Variants in LGSN observed in about 807,000 individuals in gnomAD.
LGSN encodes lengsin, lens protein with glutamine synthetase domain, also known as lengsin.
A neutral mutation model predicts 19.5 loss-of-function variants in LGSN; 21 were observed. The ratio of observed to expected loss-of-function variants is 1.07; its 90% CI spans 0.76 to 1.55. The LOEUF is 1.55. Among genes scored for constraint, LGSN ranks in the 40% most tolerant of loss-of-function variants. The probability of loss-of-function intolerance (pLI) is 0.00; values close to 1 mark genes in which losing one functional copy is unlikely to be tolerated. For missense variants in LGSN, 673 were observed against 608.5 expected (o/e 1.11, Z -1.12); for synonymous variants, 257 against 215.6 (o/e 1.19, Z -1.68).
chr6:63,432,162 AAAGAAAG>A, the LGSN span, among the ~76,000 whole-genome samples: 1 of 114,372 alleles, frequency 8.7e-6, no homozygotes, highest in Admixed American at 9.9e-5. Flanking sequence ...AGAAAGAAAG[AAAGAAAG>A]AAAAGGAAAG....
At chr6:63,335,092 C>T in the LGSN span, among the ~76,000 whole-genome samples, 11 of 148,426 alleles carry the variant, frequency 7.4e-5, no homozygotes, top group African/African-American at 2.5e-4. Flanking sequence ...TGCAGTGAGC[C>T]GAGACTGCAC....
the LGSN span, among the ~76,000 whole-genome samples, chr6:63,451,433 CT>C: frequency 6.6e-6 from 1 of 152,164 alleles, no homozygotes; most frequent in Admixed American, 6.6e-5. Flanking sequence ...AGATCATGTC[CT>C]TTGCAGGGGC....
At chr6:63,493,092 C>A in the LGSN span, among the ~76,000 whole-genome samples, 1 of 152,140 alleles carries the variant, frequency 6.6e-6, no homozygotes, top group Non-Finnish European at 1.5e-5. Flanking sequence ...CTTCCTCAAC[C>A]CTTCCAGGTC....
the LGSN span, among the ~76,000 whole-genome samples, chr6:63,353,588 CAA>C: frequency 1.9e-3 from 141 of 74,152 alleles, no homozygotes; most frequent in African/African-American, 5.1e-3. Flanking sequence ...CAGTTTGTAG[CAA>C]AAAAAAAAAA....
At chr6:63,559,424 C>G in the LGSN span, among the ~76,000 whole-genome samples, 1 of 151,962 alleles carries the variant, frequency 6.6e-6, no homozygotes, top group African/African-American at 2.4e-5. Flanking sequence ...ATGGCTTAAA[C>G]GCAGCAAAAA....
At chr6:63,437,126 AAAAG>A in the LGSN span, among the ~76,000 whole-genome samples, 2 of 44,774 alleles carry the variant, frequency 4.5e-5, no homozygotes, top group East Asian at 8.4e-4. Context: ...AGGGAGAAGG[AAAAG>A]AAAGAAAGGA....
At chr6:63,499,564 T>C in the LGSN span, among the ~76,000 whole-genome samples, 1 of 152,094 alleles carries the variant, frequency 6.6e-6, no homozygotes, top group Non-Finnish European at 1.5e-5. Flanking sequence ...TTTTGTAGCA[T>C]TTGAATAAGA....
the LGSN span, chr6:63,572,717 C>G: frequency 3.8e-5 from 15 of 398,728 alleles, no homozygotes; most frequent in African/African-American, 2.7e-4. Flanking sequence ...TAAACATATT[C>G]CTGTGAGTAG....
At chr6:63,471,419 A>G in the LGSN span, among the ~76,000 whole-genome samples, 1 of 151,828 alleles carries the variant, frequency 6.6e-6, no homozygotes, top group Non-Finnish European at 1.5e-5. Flanking sequence ...TAATCCCAGC[A>G]TTTTGGGAGG....
the LGSN span, among the ~76,000 whole-genome samples, chr6:63,351,188 A>G: frequency 6.6e-6 from 1 of 152,112 alleles, no homozygotes; most frequent in Non-Finnish European, 1.5e-5. Context: ...TCTGTGAGGA[A>G]GCAGACCCTC....
At chr6:63,479,486 T>A in the LGSN span, among the ~76,000 whole-genome samples, 1 of 151,780 alleles carries the variant, frequency 6.6e-6, no homozygotes, top group South Asian at 2.1e-4. Context: ...ACGCCTATAA[T>A]CCCAGCATTT....
the LGSN span, among the ~76,000 whole-genome samples, chr6:63,434,675 T>A: frequency 6.8e-6 from 1 of 147,844 alleles, no homozygotes; most frequent in African/African-American, 2.5e-5. Context: ...AACTAATGAG[T>A]GGCAACCCAA....
the LGSN span, among the ~76,000 whole-genome samples, chr6:63,333,605 GGGAA>G: frequency 7.3e-6 from 1 of 136,394 alleles, no homozygotes; most frequent in Non-Finnish European, 1.6e-5. Context: ...GGGGGAGGGA[GGGAA>G]GGGAGGGAGG....
chr6:63,458,122 C>T, the LGSN span, among the ~76,000 whole-genome samples: 1 of 151,912 alleles, frequency 6.6e-6, no homozygotes, highest in African/African-American at 2.4e-5. Context: ...GGCTGGAGTG[C>T]AATGGCACTA....
chr6:63,456,023 T>A, the LGSN span, among the ~76,000 whole-genome samples: 28 of 151,504 alleles, frequency 1.8e-4, no homozygotes, highest in African/African-American at 6.5e-4. Flanking sequence ...AGATCAGGAG[T>A]TCGGGACCAG....
At chr6:63,440,521 C>G in the LGSN span, among the ~76,000 whole-genome samples, 71,455 of 152,050 alleles carry the variant, frequency 0.47, 17,953 homozygotes, top group Non-Finnish European at 0.53. Context: ...AATAGTATCA[C>G]CTTCCCCAGT....
At chr6:63,397,586 G>T in the LGSN span, among the ~76,000 whole-genome samples, 5 of 151,954 alleles carry the variant, frequency 3.3e-5, no homozygotes, top group African/African-American at 1.2e-4. Flanking sequence ...CATGATGAAT[G>T]GAAAATAAAA....
At chr6:63,334,428 A>G in the LGSN span, among the ~76,000 whole-genome samples, 2 of 152,224 alleles carry the variant, frequency 1.3e-5, no homozygotes, top group African/African-American at 2.4e-5. Flanking sequence ...TACAAGGAAA[A>G]CTACAAAACA....
the LGSN span, among the ~76,000 whole-genome samples, chr6:63,469,041 C>T: frequency 2.6e-5 from 4 of 152,178 alleles, no homozygotes; most frequent in African/African-American, 9.7e-5. Context: ...AGCCACTGCA[C>T]CCTTCCTTTA....
Sources: gnomAD v4.1 joint callset for allele counts (sites outside exome capture counted in the v4.1 genomes callset) on GRCh38, gnomAD v4.1.1 for gene constraint, MANE v1.5 for transcripts, NCBI Gene and HGNC (gene_info 2026-07-23, HGNC 2026-07-21) for gene names.